SAMMSON: variants seen among roughly 807,000 people sequenced by gnomAD.
SAMMSON encodes the protein survival associated mitochondrial melanoma specific oncogenic non-coding RNA.
chr3:70,308,893 T>G (rs947826728), intron 7 of SAMMSON, among the ~76,000 whole-genome samples: 2 of 152,098 alleles, frequency 1.3e-5, no homozygotes, highest in Non-Finnish European at 2.9e-5. Flanking sequence ...TCCAGTGAAG[T>G]GCTTGTTCCA....
chr3:70,269,589 G>A (rs1208427355), intron 6 of SAMMSON, among the ~76,000 whole-genome samples: 1 of 152,008 alleles, frequency 6.6e-6, no homozygotes, highest in Non-Finnish European at 1.5e-5. Flanking sequence ...TTTGGTTCAG[G>A]GGCTGCCCAG....
intron 4 of SAMMSON, among the ~76,000 whole-genome samples, chr3:70,076,021 T>C (rs2067247302): frequency 1.3e-5 from 2 of 152,064 alleles, no homozygotes; most frequent in African/African-American, 4.8e-5. Flanking sequence ...AAGCAAAGCA[T>C]TGCTATTCTT....
At chr3:70,202,274 G>T (rs1401703398) in intron 4 of SAMMSON, among the ~76,000 whole-genome samples, 1 of 152,044 alleles carries the variant, frequency 6.6e-6, no homozygotes, top group African/African-American at 2.4e-5. Context: ...GTGACTAGTG[G>T]TCTTTCTGAT....
At chr3:70,304,664 T>C (rs1702383116) in intron 7 of SAMMSON, among the ~76,000 whole-genome samples, 1 of 152,236 alleles carries the variant, frequency 6.6e-6, no homozygotes, top group Non-Finnish European at 1.5e-5. Context: ...TTCAAAGTTG[T>C]ATCCTATCCC....
At chr3:70,061,250 A>G (rs1211121374) in intron 3 of SAMMSON, among the ~76,000 whole-genome samples, 1 of 152,080 alleles carries the variant, frequency 6.6e-6, no homozygotes, top group African/African-American at 2.4e-5. Context: ...TCCAGTTGGG[A>G]CTGCCTAGCA....
intron 4 of SAMMSON, among the ~76,000 whole-genome samples, chr3:70,244,223 T>C (rs1266674771): frequency 6.6e-6 from 1 of 152,230 alleles, no homozygotes; most frequent in Non-Finnish European, 1.5e-5. Context: ...TACTCTGTAA[T>C]GCACTCCAGT....
Position 70,365,970 on chromosome 3 carries a change from CTTTTTTTTTTTT to C in SAMMSON, n.913+7666_913+7677del, listed in dbSNP as rs1193657961. Among the ~76,000 whole-genome samples, 80 of 27,772 alleles carry C rather than the reference CTTTTTTTTTTTT, an allele frequency of 2.9e-3. 11 individuals are homozygous for C. The East Asian group carries it at 0.04, about 14-fold the overall frequency. 18.2% of individuals were successfully genotyped at this position (27,772 alleles called of 152,430 possible). On this transcript the variant is annotated intron_variant and non_coding_transcript_variant, in intron 9 of 9. Transcript: ENST00000642114. ...AAAAATTGTTTGTGCTTTACCTTTT[CTTTTTTTTTTTT>C]TTTTTTTTTTTTTTTTTTTGAGACG...
At chr3:70,241,891 G>A (rs1223266939) in intron 4 of SAMMSON, among the ~76,000 whole-genome samples, 1 of 152,180 alleles carries the variant, frequency 6.6e-6, no homozygotes, top group African/African-American at 2.4e-5. Flanking sequence ...TTAGAACGAA[G>A]GTTTGCCTGA....
intron 3 of SAMMSON, among the ~76,000 whole-genome samples, chr3:70,058,723 T>C (rs1472722627): frequency 1.3e-5 from 2 of 152,118 alleles, no homozygotes; most frequent in Non-Finnish European, 2.9e-5. Context: ...TTTGTTCCTC[T>C]ATAATAGGAG....
At chr3:70,391,275 A>T (rs1701046191), downstream of SAMMSON, among the ~76,000 whole-genome samples, 1 of 152,186 alleles carries the variant, frequency 6.6e-6, no homozygotes, top group Admixed American at 6.6e-5. Context: ...TGGATAAATG[A>T]GTAGAATATT....
At chr3:70,174,775 C>T (rs1700996990) in intron 4 of SAMMSON, among the ~76,000 whole-genome samples, 2 of 150,546 alleles carry the variant, frequency 1.3e-5, no homozygotes, top group Admixed American at 1.3e-4. Context: ...TTTTTTTAGG[C>T]TGCCATCTAT....
chr3:70,360,567 G>A (rs1295529493), intron 9 of SAMMSON, among the ~76,000 whole-genome samples: 1 of 152,082 alleles, frequency 6.6e-6, no homozygotes, highest in East Asian at 1.9e-4. Context: ...CAAACCTACA[G>A]CTATCATATT....
intron 1 of SAMMSON, among the ~76,000 whole-genome samples, chr3:70,010,817 G>C (rs1451811148): frequency 6.6e-6 from 1 of 152,154 alleles, no homozygotes; most frequent in Non-Finnish European, 1.5e-5. Flanking sequence ...AGGAGCAGCA[G>C]GCACCTTCTT....
At chr3:70,170,077 T>C (rs1307711573) in intron 4 of SAMMSON, among the ~76,000 whole-genome samples, 1 of 151,958 alleles carries the variant, frequency 6.6e-6, no homozygotes, top group African/African-American at 2.4e-5. Flanking sequence ...AATAACTTGA[T>C]ATTTTAAAAG....
chr3:70,321,382 C>T (rs969735915), intron 7 of SAMMSON, among the ~76,000 whole-genome samples: 1 of 152,036 alleles, frequency 6.6e-6, no homozygotes, highest in Admixed American at 6.6e-5. Flanking sequence ...TTTTATTCAG[C>T]ACAATGATCT....
At chr3:70,327,604 T>C (rs1304656548) in intron 7 of SAMMSON, among the ~76,000 whole-genome samples, 1 of 151,870 alleles carries the variant, frequency 6.6e-6, no homozygotes, top group Non-Finnish European at 1.5e-5. Context: ...AACTTCAGAG[T>C]CCAGGGAAGA....
intron 2 of SAMMSON, among the ~76,000 whole-genome samples, chr3:70,423,005 G>C (rs1701324566): frequency 6.6e-6 from 1 of 151,732 alleles, no homozygotes; most frequent in Non-Finnish European, 1.5e-5. Context: ...TTATAATGAA[G>C]TTGTAAAAAA....
intron 7 of SAMMSON, among the ~76,000 whole-genome samples, chr3:70,315,656 G>T (rs927612002): frequency 2.0e-5 from 3 of 151,998 alleles, no homozygotes; most frequent in African/African-American, 7.3e-5. Flanking sequence ...TGTCATCTGG[G>T]TAATGGAGTC....
intron 4 of SAMMSON, among the ~76,000 whole-genome samples, chr3:70,155,954 A>T (rs149918856): frequency 6.6e-6 from 1 of 152,196 alleles, no homozygotes; most frequent in African/African-American, 2.4e-5. Context: ...AGCAGCACTC[A>T]AGGGTTTCAT....
Sources: allele counts gnomAD v4.1 joint callset (sites outside exome capture counted in the v4.1 genomes callset), GRCh38; gene constraint gnomAD v4.1.1; transcripts MANE v1.5; gene names NCBI Gene and HGNC (gene_info 2026-07-23, HGNC 2026-07-21).